PPP4R1: variants seen among roughly 807,000 people sequenced by gnomAD.
PPP4R1 encodes serine/threonine-protein phosphatase 4 regulatory subunit 1.
Under a neutral mutation model 111.2 loss-of-function variants are expected in PPP4R1, and 42 were observed. The ratio of observed to expected loss-of-function variants is 0.38; its 90% CI spans 0.29 to 0.49. The LOEUF is 0.49. PPP4R1 is among the 20% of genes least tolerant of loss of function. The probability of loss-of-function intolerance (pLI) is 0.97; values close to 1 mark genes in which losing one functional copy is unlikely to be tolerated. For missense variants in PPP4R1, 1,012 were observed against 1,161.6 expected, an observed-to-expected ratio of 0.87 and a Z score of 1.87; for synonymous variants, 409 against 405.5, an observed-to-expected ratio of 1.01 and a Z score of -0.10.
At chr18:9,598,859 TAA>T (rs35624023) in intron 2 of PPP4R1, among the ~76,000 whole-genome samples, 2 of 150,928 alleles carry the variant, frequency 1.3e-5, no homozygotes, top group African/African-American at 2.4e-5. Context: ...ACCTTGCCTC[TAA>T]AAAAAAATAC....
chr18:9,597,818 C>A (rs1337336722), intron 2 of PPP4R1, among the ~76,000 whole-genome samples: 1 of 152,066 alleles, frequency 6.6e-6, no homozygotes, highest in Non-Finnish European at 1.5e-5. Flanking sequence ...AATTACTAGG[C>A]ACACAAAAGG....
chr18:9,555,972 T>A (rs951086577), intron 15 of PPP4R1, among the ~76,000 whole-genome samples: 4 of 132,922 alleles, frequency 3.0e-5, no homozygotes, highest in Admixed American at 8.1e-5. Context: ...CCATCTCTAC[T>A]AAAACAAACA....
At chr18:9,552,909 T>C (rs1418483508) in intron 16 of PPP4R1, among the ~76,000 whole-genome samples, 1 of 152,180 alleles carries the variant, frequency 6.6e-6, no homozygotes, top group East Asian at 1.9e-4. Context: ...CAAAAGGCCA[T>C]GTGTTATATG....
At position 9,614,474 on chromosome 18, in the gene PPP4R1, G is replaced by A; in HGVS notation, c.7+4C>T. The A allele has an allele frequency of 9.7e-7, 1 of 1,033,466 alleles. No individual in the cohort carries two copies. Among genetic ancestry groups the A allele is most frequent in the Non-Finnish European group, 1.2e-6 (1 of 861,828 alleles). The allele number at this position is 1,033,466 out of a possible 1,614,324, so 64.0% of individuals were successfully genotyped here. A position where few individuals can be genotyped will look rare whatever the true frequency, so the allele number is the denominator to read the frequency against. Reference sequence around the variant, plus strand: ...CGCCGCCCGGAGAACAGGGGGCCACGTACCCGCCATCTTGTGGTCGCCCCC... The same window carrying A: ...CGCCGCCCGGAGAACAGGGGGCCACATACCCGCCATCTTGTGGTCGCCCCC... On this transcript the variant is annotated splice_donor_region_variant and intron_variant, in intron 1 of 19. Transcript: ENST00000400556. This position sits in a 1 kb window ranked among gnomAD's most constrained non-coding sequence, Gnocchi z 4.1.
intron 2 of PPP4R1, among the ~76,000 whole-genome samples, chr18:9,608,181 T>C (rs984596181): frequency 2.0e-5 from 3 of 152,222 alleles, no homozygotes; most frequent in African/African-American, 4.8e-5. Context: ...TGAATGTTCA[T>C]AGCAGCTTTA....
At chr18:9,577,661 T>C (rs1285118714) in intron 9 of PPP4R1, among the ~76,000 whole-genome samples, 2 of 151,856 alleles carry the variant, frequency 1.3e-5, no homozygotes, top group Admixed American at 1.3e-4. Context: ...AGCAAGACTG[T>C]CTAAAAAAAA....
At chr18:9,613,855 G>A (rs1048660375) in intron 2 of PPP4R1, 2 of 161,108 alleles carry the variant, frequency 1.2e-5, no homozygotes, top group Non-Finnish European at 1.4e-5. Flanking sequence ...AGAGTGACGG[G>A]GGAAGGGGAC....
At chr18:9,598,738 T>C (rs1596381) in intron 2 of PPP4R1, among the ~76,000 whole-genome samples, 33,537 of 152,084 alleles carry the variant, frequency 0.22, 4,080 homozygotes, top group Non-Finnish European at 0.26. Flanking sequence ...AAACAATTAA[T>C]ATGGGGCCAG....
intron 3 of PPP4R1, 57 bp from the exon 4 acceptor site, chr18:9,593,931 A>G (rs2067252359): frequency 1.4e-6 from 2 of 1,412,298 alleles, no homozygotes; most frequent in Admixed American, 3.5e-5. Context: ...TAATATCCAG[A>G]ATTTTAATTT....
At chr18:9,592,674 CAA>C (rs59949280) in intron 4 of PPP4R1, among the ~76,000 whole-genome samples, 5 of 113,412 alleles carry the variant, frequency 4.4e-5, no homozygotes, top group Admixed American at 9.1e-5. Context: ...CACACACTTA[CAA>C]AAAAAAAAAA....
chr18:9,551,229 T>A (rs556169793), intron 16 of PPP4R1: 14 of 152,264 alleles, frequency 9.2e-5, no homozygotes, highest in Admixed American at 7.8e-4. Context: ...TACATAAACT[T>A]CAAGATCTTT....
chr18:9,616,982 A>G (rs62088915), upstream of PPP4R1, among the ~76,000 whole-genome samples: 13,530 of 152,282 alleles, frequency 0.089, 646 homozygotes, highest in African/African-American at 0.11. Flanking sequence ...TTCAGCACAA[A>G]TATGTGTTTT....
intron 11 of PPP4R1, among the ~76,000 whole-genome samples, chr18:9,568,188 T>C (rs2066800820): frequency 6.6e-6 from 1 of 152,166 alleles, no homozygotes. Context: ...CATGCCCAGC[T>C]ACTATTCAAA....
At chr18:9,612,090 TTTCC>T (rs1270603268) in intron 2 of PPP4R1, among the ~76,000 whole-genome samples, 2 of 152,230 alleles carry the variant, frequency 1.3e-5, no homozygotes, top group African/African-American at 2.4e-5. Context: ...AACATCAGTG[TTTCC>T]TTCTCTGCTC....
intron 11 of PPP4R1, among the ~76,000 whole-genome samples, chr18:9,565,067 A>C (rs559187223): frequency 6.6e-6 from 1 of 152,050 alleles, no homozygotes; most frequent in Non-Finnish European, 1.5e-5. Flanking sequence ...TAGCAAGTCT[A>C]TTGGTGCTAT....
At chr18:9,601,022 A>C (rs966328479) in intron 2 of PPP4R1, among the ~76,000 whole-genome samples, 1 of 152,228 alleles carries the variant, frequency 6.6e-6, no homozygotes, top group African/African-American at 2.4e-5. Flanking sequence ...ACTAAAGTTT[A>C]CAGATTCTTG....
intron 2 of PPP4R1, among the ~76,000 whole-genome samples, chr18:9,600,116 ATGAT>A (rs1370598636): frequency 6.6e-6 from 1 of 151,446 alleles, no homozygotes; most frequent in Non-Finnish European, 1.5e-5. Flanking sequence ...TCACTCTATC[ATGAT>A]TGATAATCAC....
rs746414992 is a variant in PPP4R1, at chr18:9,550,062, A to T, written c.2537T>A (p.Phe846Tyr). Residue 846 changes from phenylalanine (F) to tyrosine (Y), a missense_variant, in exon 18 of 20, where the codon TTT becomes TAT. Physicochemically the swap from Phe to Tyr is conservative, Grantham distance 22. Around this residue, in one of 2 missense-constraint regions of PPP4R1, gnomAD observed 305 missense variants for 419.5 expected, o/e 0.73. Coordinates refer to ENST00000400556, the MANE Select transcript of PPP4R1 (RefSeq NM_001042388.3). ...PKWSGRQAFV[F>Y]VCQTVIEDDC... Reference sequence around the variant, plus strand: ...CAGGGCCTCGCTTACCTGGCAGACAAAGACAAAGGCTTGCCGACCAGACCA... The same window carrying T: ...CAGGGCCTCGCTTACCTGGCAGACATAGACAAAGGCTTGCCGACCAGACCA... The T allele has an allele frequency of 6.2e-7, 1 of 1,614,168 alleles. No individual in the cohort carries two copies.
intron 5 of PPP4R1, among the ~76,000 whole-genome samples, chr18:9,588,477 C>G (rs1297675368): frequency 7.9e-5 from 12 of 152,144 alleles, no homozygotes. Flanking sequence ...AAGTAACAAA[C>G]CTTTTAAGGG....
Sources: allele counts gnomAD v4.1 joint callset (sites outside exome capture counted in the v4.1 genomes callset), GRCh38; gene constraint gnomAD v4.1.1; regional missense constraint gnomAD v4.1.1; non-coding constraint Gnocchi (gnomAD v3.1); transcripts MANE v1.5; gene names NCBI Gene and HGNC (gene_info 2026-07-23, HGNC 2026-07-21).